Variants in LEKR1 observed in about 807,000 individuals in gnomAD.
The protein encoded by LEKR1 is leucine, glutamate and lysine rich 1.
A neutral mutation model predicts 72.4 loss-of-function variants in LEKR1; 59 were observed. The ratio of observed to expected loss-of-function variants is 0.82; its 90% CI spans 0.66 to 1.01. The LOEUF (loss-of-function observed/expected upper bound fraction) is 1.01, where lower values mean the gene tolerates loss of function less well. Ranked by LOEUF, LEKR1 falls within the 50% of genes least tolerant of loss-of-function variation. The pLI, the probability that LEKR1 is intolerant of heterozygous loss-of-function variation, is 0.00. For missense variants in LEKR1, 728 were observed against 759.2 expected, an observed-to-expected ratio of 0.96 and a Z score of 0.48; for synonymous variants, 257 against 263.2, an observed-to-expected ratio of 0.98 and a Z score of 0.23.
In LEKR1 at chr3:156,916,385, C is replaced by A. The variant is rs567924778; in HGVS notation, c.264-4190C>A. On this transcript the variant is annotated intron_variant, in intron 3 of 12. Coordinates refer to ENST00000356539, the MANE Select transcript of LEKR1 (RefSeq NM_001004316.3). ...TTTTAATGATACTGATTCTTCCTAT[C>A]CATGAGCATGTGATGTTTTTCCATT... Among the ~76,000 whole-genome samples the A allele has an allele frequency of 2.0e-5, 3 of 152,238 alleles. No individual in the cohort carries two copies. In the East Asian group the frequency reaches 5.8e-4, roughly 29 times the overall value.
chr3:156,930,810 G>T (rs1194574977), intron 5 of LEKR1, among the ~76,000 whole-genome samples: 2 of 151,892 alleles, frequency 1.3e-5, no homozygotes, highest in African/African-American at 4.8e-5. Context: ...CAATCCAATG[G>T]GAAAAAGAAA....
chr3:156,947,707 G>C (rs142539312), intron 6 of LEKR1, among the ~76,000 whole-genome samples: 207 of 151,132 alleles, frequency 1.4e-3, no homozygotes, highest in African/African-American at 3.8e-3. Context: ...GTCAGGAACT[G>C]TCTGTACTAG....
chr3:156,914,934 C>A (rs1009106299), intron 3 of LEKR1, among the ~76,000 whole-genome samples: 1 of 151,930 alleles, frequency 6.6e-6, no homozygotes, highest in Admixed American at 6.6e-5. Flanking sequence ...TATCTTTTCC[C>A]CCTTCCACCC....
At chr3:156,866,979 T>TAC in intron 3 of LEKR1, among the ~76,000 whole-genome samples, 1 of 152,174 alleles carries the variant, frequency 6.6e-6, no homozygotes, top group East Asian at 1.9e-4. Flanking sequence ...GGCTCTGAGT[T>TAC]ACAGGTTTCA....
In LEKR1 at chr3:157,011,467, TAGAC is replaced by T; in HGVS notation, c.1168_1171del (p.Gln390SerfsTer3). On this transcript the variant is annotated frameshift_variant, in exon 10 of 13. Transcript: ENST00000356539. LOFTEE classifies it high-confidence loss of function. ...GCATCGAGCAGCTGCAAGAAACCCTTAGACAGAAGCTGCTGAGTGATGATAACTG... is the reference window on the plus strand; with the variant it reads ...GCATCGAGCAGCTGCAAGAAACCCTTAGAAGCTGCTGAGTGATGATAACTG... The T allele has an allele frequency of 6.2e-7, 1 of 1,613,188 alleles. No homozygotes were observed.
chr3:156,921,373 T>A (rs1008099577), intron 4 of LEKR1, among the ~76,000 whole-genome samples: 4 of 149,668 alleles, frequency 2.7e-5, no homozygotes, highest in African/African-American at 1.0e-4. Flanking sequence ...TTGAATAAGT[T>A]TTTGCTTTTT....
At position 156,967,496 on chromosome 3, in the gene LEKR1, G is replaced by A. The variant is rs1034262856; in HGVS notation, c.746-11698G>A. Among the ~76,000 whole-genome samples, 37 of 152,278 alleles carry A rather than the reference G, an allele frequency of 2.4e-4. No homozygotes were observed. In the East Asian group the frequency reaches 3.9e-3, roughly 16 times the overall value. Reference sequence around the variant, plus strand: ...GATGAATGCACAAGCCTCATTAGCCGATTTGATCAACTGGAAGAAAGGGTA... The same window carrying A: ...GATGAATGCACAAGCCTCATTAGCCAATTTGATCAACTGGAAGAAAGGGTA... On this transcript the variant is annotated intron_variant, in intron 6 of 12. Transcript: ENST00000356539.
intron 2 of LEKR1, among the ~76,000 whole-genome samples, chr3:156,838,649 C>T (rs1376747461): frequency 6.6e-6 from 1 of 152,204 alleles, no homozygotes; most frequent in East Asian, 1.9e-4. Flanking sequence ...GGATGTCTTT[C>T]TCCACTGCAA....
intron 3 of LEKR1, among the ~76,000 whole-genome samples, chr3:156,899,636 GCA>G (rs1560064727): frequency 2.9e-5 from 2 of 68,608 alleles, no homozygotes; most frequent in African/African-American, 1.2e-4. Flanking sequence ...ATATATACAC[GCA>G]TATATACACA....
chr3:156,827,073 A>G (rs1452173919), intron 1 of LEKR1: 1 of 152,754 alleles, frequency 6.5e-6, no homozygotes, highest in Admixed American at 6.5e-5. Context: ...ATGAGAAAGG[A>G]TTAAAGGGAC....
At position 156,936,304 on chromosome 3, in the gene LEKR1, C is replaced by A. The variant is rs367727488; in HGVS notation, c.560-6225C>A. On this transcript the variant is annotated intron_variant, in intron 5 of 12. Coordinates refer to ENST00000356539, the MANE Select transcript of LEKR1 (RefSeq NM_001004316.3). ...GGCCTCTGTGTTGCTGGCTTCAATT[C>A]TTAATACATAAAGATATATAGGCAT... Among the ~76,000 whole-genome samples the A allele has an allele frequency of 4.6e-5, 7 of 152,128 alleles. No individual in the cohort carries two copies. In the South Asian group the frequency reaches 1.2e-3, roughly 27 times the overall value.
At chr3:156,995,490 T>G (rs1402400118) in intron 9 of LEKR1, among the ~76,000 whole-genome samples, 1 of 152,170 alleles carries the variant, frequency 6.6e-6, no homozygotes, top group Non-Finnish European at 1.5e-5. Flanking sequence ...ATACATGTAC[T>G]TAGTAATTGG....
chr3:157,030,568 C>G (rs1734529828), intron 12 of LEKR1, among the ~76,000 whole-genome samples: 1 of 152,116 alleles, frequency 6.6e-6, no homozygotes, highest in Non-Finnish European at 1.5e-5. Flanking sequence ...GCATGAAGAG[C>G]CTGTATAAGT....
intron 7 of LEKR1, among the ~76,000 whole-genome samples, chr3:156,987,835 G>A (rs1730830835): frequency 6.6e-6 from 1 of 151,978 alleles, no homozygotes; most frequent in Admixed American, 6.6e-5. Flanking sequence ...ATTTTAATTA[G>A]TCTAGTAGGC....
intron 3 of LEKR1, among the ~76,000 whole-genome samples, chr3:156,902,526 A>C (rs1211239860): frequency 6.6e-6 from 1 of 152,186 alleles, no homozygotes; most frequent in South Asian, 2.1e-4. Flanking sequence ...AGGGACAAAC[A>C]TATATCTAAA....
intron 12 of LEKR1, among the ~76,000 whole-genome samples, chr3:157,037,422 C>G (rs1024781662): frequency 3.3e-5 from 5 of 151,956 alleles, no homozygotes; most frequent in African/African-American, 9.7e-5. Flanking sequence ...GAATAAAGGT[C>G]AAGCAAGGAA....
At chr3:156,865,045 C>G (rs890905788) in intron 3 of LEKR1, among the ~76,000 whole-genome samples, 2 of 152,060 alleles carry the variant, frequency 1.3e-5, no homozygotes, top group African/African-American at 4.8e-5. Flanking sequence ...CCAGACTAAT[C>G]TCTTCAGCTC....
intron 12 of LEKR1, among the ~76,000 whole-genome samples, chr3:157,044,981 C>T (rs199546151): frequency 1.3e-5 from 2 of 152,136 alleles, no homozygotes; most frequent in African/African-American, 2.4e-5. Context: ...ATACTGTCTG[C>T]GACTTGAGGC....
rs74328081 is a variant in LEKR1 at position 156,976,632 on chromosome 3, C to A, written c.746-2562C>A. 0.014 allele frequency among the ~76,000 whole-genome samples: 2,184 copies of A among 152,162 alleles called. 99 individuals are homozygous for A. The East Asian group carries it at 0.16, about 11-fold the overall frequency. On this transcript the variant is annotated intron_variant, in intron 6 of 12. Transcript: ENST00000356539. Reference sequence around the variant, plus strand: ...ATTCTTTTCATTTGTCTTAAGTATACCTCTTTAAGGATTCTGGGAATATGG... The same window carrying A: ...ATTCTTTTCATTTGTCTTAAGTATAACTCTTTAAGGATTCTGGGAATATGG...
Sources: gnomAD v4.1 joint callset for allele counts (sites outside exome capture counted in the v4.1 genomes callset) on GRCh38, gnomAD v4.1.1 for gene constraint, MANE v1.5 for transcripts, NCBI Gene and HGNC (gene_info 2026-07-23, HGNC 2026-07-21) for gene names.